Variants in UTP15 observed in about 807,000 individuals in gnomAD.
UTP15 encodes UTP15 small subunit processome component, also known as U3 small nucleolar RNA-associated protein 15 homolog.
A neutral mutation model predicts 59.1 loss-of-function variants in UTP15; 5 were observed. That is an observed-to-expected ratio of 0.08 (90% CI 0.04 to 0.18). The LOEUF is 0.18. UTP15 is among the 10% of genes least tolerant of loss of function. UTP15 has a pLI of 1.00. For missense variants in UTP15, 494 were observed against 616.7 expected (o/e 0.80, Z 2.11); for synonymous variants, 211 against 212.2 (o/e 0.99, Z 0.05).
chr5:73,570,733 C>T, intron 6 of UTP15, 22 bp downstream of exon 6: 1 of 1,609,030 alleles, frequency 6.2e-7, no homozygotes, highest in Non-Finnish European at 8.5e-7. Context: ...AAATAGCTTT[C>T]ACCAATATTG....
rs1747875767 is a variant in UTP15, at chr5:73,569,652, T to G, written c.524T>G (p.Leu175Arg). 6.2e-7 allele frequency: 1 copy of G among 1,610,846 alleles called. No homozygotes were observed. ...GTGAGGTGTGGATGTGCTAGCAAAC[T>G]TAATCCGGATCTCTTTATAACAGGT... is the stretch of plus-strand genomic sequence containing the variant. ...DYVRCGCASK[L>R]NPDLFITGSY... The change falls in exon 5 of 13, where the codon CTT becomes CGT. Residue 175 changes from leucine (L) to arginine (R), a missense_variant. Coordinates refer to ENST00000296792, the MANE Select transcript of UTP15 (RefSeq NM_032175.4).
In UTP15 at chr5:73,576,361, C is replaced by T. The variant is rs191959588; in HGVS notation, c.810-591C>T. Among the ~76,000 whole-genome samples, 450 of 152,204 alleles carry T rather than the reference C, an allele frequency of 3.0e-3. 1 individual carries two copies. Among genetic ancestry groups the T allele is most frequent in the Non-Finnish European group, 5.3e-3 (361 of 67,990 alleles). On this transcript the variant is annotated intron_variant, in intron 7 of 12. Coordinates refer to ENST00000296792, the MANE Select transcript of UTP15 (RefSeq NM_032175.4). ...CCTCAAGTGATCTGCCCACCTTGGC[C>T]TCCCGAAGTGCTGGGATTACAGACC...
chr5:73,568,717 T>C (rs1027608466), intron 4 of UTP15, 113 bp downstream of exon 4: 4 of 1,003,652 alleles, frequency 4.0e-6, no homozygotes, highest in Non-Finnish European at 5.7e-6. Context: ...TATTTGCCTA[T>C]AGGTACTATA....
intron 8 of UTP15, 110 bp downstream of exon 8, chr5:73,577,146 T>TCAGA (rs1297258479): frequency 6.2e-6 from 5 of 811,190 alleles, no homozygotes; most frequent in African/African-American, 3.4e-5. Flanking sequence ...TCTTGCCACA[T>TCAGA]CAGATATTTG....
rs2112055401 is a variant in UTP15 at position 73,576,980 on chromosome 5, T to A, written c.838T>A (p.Tyr280Asn). 6.2e-7 allele frequency: 1 copy of A among 1,610,264 alleles called. No individual in the cohort carries two copies. Among genetic ancestry groups the A allele is most frequent in the East Asian group, 2.2e-5 (1 of 44,804 alleles). The part of the protein sequence containing the change: ...RKVKVYSTTS[Y>N]KVVHSFDYAA... ...GGTGAAAGTATACAGCACAACTTCCTACAAAGTAGTCCACAGTTTTGATTA... is the reference window on the plus strand; with the variant it reads ...GGTGAAAGTATACAGCACAACTTCCAACAAAGTAGTCCACAGTTTTGATTA... Residue 280 changes from tyrosine (Y) to asparagine (N), a missense_variant, in exon 8 of 13, where the codon TAC becomes AAC. Transcript: ENST00000296792.
chr5:73,573,410 G>T (rs1362048365), intron 7 of UTP15, among the ~76,000 whole-genome samples: 1 of 151,554 alleles, frequency 6.6e-6, no homozygotes, highest in Non-Finnish European at 1.5e-5. Context: ...ACCATGCCTG[G>T]CTAATTTTTG....
At position 73,568,474 on chromosome 5, in the gene UTP15, A is replaced by G. The variant is rs1275690325; in HGVS notation, c.238A>G (p.Lys80Glu). 6.2e-7 allele frequency: 1 copy of G among 1,613,842 alleles called. No homozygotes were observed. The highest frequency in any genetic ancestry group is 8.5e-7 in the Non-Finnish European group (1 of 1,179,880). ...ACCTATAAAAACCTTTTCTCGATTT[A>G]AAGACACAGCATACTGTGCTACTTT... ...QEPIKTFSRF[K>E]DTAYCATFRQ... The change falls in exon 4 of 13, where the codon AAA (lysine) becomes GAA (glutamate). Residue 80 changes from lysine (K) to glutamate (E), a missense_variant. Transcript: ENST00000296792.
At chr5:73,571,173 C>A (rs1232712388) in intron 6 of UTP15, among the ~76,000 whole-genome samples, 1 of 151,510 alleles carries the variant, frequency 6.6e-6, no homozygotes, top group Non-Finnish European at 1.5e-5. Flanking sequence ...AGCCCTGTGC[C>A]ATCTTATTTA....
At chr5:73,575,000 T>G (rs780631624) in intron 7 of UTP15, among the ~76,000 whole-genome samples, 2 of 152,242 alleles carry the variant, frequency 1.3e-5, no homozygotes, top group Non-Finnish European at 2.9e-5. Flanking sequence ...ATGGCTTGCT[T>G]ATTTGTAATA....
intron 8 of UTP15, among the ~76,000 whole-genome samples, chr5:73,577,412 T>C (rs1748134576): frequency 6.6e-6 from 1 of 152,186 alleles, no homozygotes; most frequent in South Asian, 2.1e-4. Context: ...AAATGAAATA[T>C]CTCCTTTTCT....
intron 1 of UTP15, among the ~76,000 whole-genome samples, chr5:73,567,033 G>A (rs1159915917): frequency 1.3e-5 from 2 of 152,208 alleles, no homozygotes; most frequent in Non-Finnish European, 2.9e-5. Flanking sequence ...GTTGTAAAAT[G>A]GTTGGCTAGG....
chr5:73,570,138 A>G (rs1747890086), intron 5 of UTP15, among the ~76,000 whole-genome samples: 1 of 152,126 alleles, frequency 6.6e-6, no homozygotes, highest in Non-Finnish European at 1.5e-5. Context: ...CCTGGCTTCC[A>G]ATTGTTTTTT....
At chr5:73,571,560 C>CTT (rs1302989831) in intron 6 of UTP15, among the ~76,000 whole-genome samples, 1 of 142,756 alleles carries the variant, frequency 7.0e-6, no homozygotes. Context: ...TGTGTACCTC[C>CTT]TTTTTTTTTT....
chr5:73,566,383 C>T (rs1747765349), intron 1 of UTP15, among the ~76,000 whole-genome samples: 1 of 152,194 alleles, frequency 6.6e-6, no homozygotes, highest in African/African-American at 2.4e-5. Flanking sequence ...ATTTCATTCA[C>T]CATTATAGCC....
intron 8 of UTP15, 52 bp from the exon 9 acceptor site, chr5:73,577,804 C>G: frequency 1.4e-6 from 2 of 1,472,198 alleles, no homozygotes; most frequent in South Asian, 2.5e-5. Flanking sequence ...AGTAAAAGTA[C>G]TATAAATTAC....
In UTP15 at chr5:73,580,190, CTG is replaced by C; in HGVS notation, c.*98_*99del. On this transcript the variant is annotated 3_prime_UTR_variant, in exon 13 of 13. Transcript: ENST00000296792. Reference sequence around the variant, plus strand: ...GACTCTCTTTGATACATTAAAAAAACTGTTTGCAGAAGCAGTTCTGTGGAAGA... The same window carrying C: ...GACTCTCTTTGATACATTAAAAAAACTTTGCAGAAGCAGTTCTGTGGAAGA... 9.1e-7 allele frequency: 1 copy of C among 1,100,324 alleles called. No homozygotes were observed. The highest frequency in any genetic ancestry group is 1.3e-6 in the Non-Finnish European group (1 of 783,852). The allele number at this position is 1,100,324 out of a possible 1,614,324, so 68.2% of individuals were successfully genotyped here. A position where few individuals can be genotyped will look rare whatever the true frequency, so the allele number is the denominator to read the frequency against.
chr5:73,575,259 C>T (rs552378386), intron 7 of UTP15, among the ~76,000 whole-genome samples: 1 of 152,312 alleles, frequency 6.6e-6, no homozygotes, highest in East Asian at 1.9e-4. Flanking sequence ...CAATTTGGGA[C>T]TTGATTCTTA....
Position 73,577,142 on chromosome 5 carries a change from C to A in UTP15, c.894+106C>A, listed in dbSNP as rs1748127982. 4 of 820,800 alleles carry A rather than the reference C, an allele frequency of 4.9e-6. No homozygotes were observed. In the Admixed American group the frequency reaches 1.0e-4, roughly 21 times the overall value. The allele number at this position is 820,800 out of a possible 1,614,324, so 50.8% of individuals were successfully genotyped here. A position where few individuals can be genotyped will look rare whatever the true frequency, so the allele number is the denominator to read the frequency against. On this transcript the variant is annotated intron_variant, in intron 8 of 12. Coordinates refer to ENST00000296792, the MANE Select transcript of UTP15 (RefSeq NM_032175.4). ...TTTAGATTTGAGTAACTTTTCTTGC[C>A]ACATCAGATATTTGAGTTAAGACAA...
intron 1 of UTP15, 65 bp from the exon 2 acceptor site, chr5:73,567,197 A>G (rs1158407663): frequency 2.2e-6 from 1 of 447,904 alleles, no homozygotes; most frequent in Non-Finnish European, 3.9e-6. Flanking sequence ...TTTTAAAGAA[A>G]GCAGAGTGAA....
Sources: gnomAD v4.1 joint callset for allele counts (sites outside exome capture counted in the v4.1 genomes callset) on GRCh38, gnomAD v4.1.1 for gene constraint, MANE v1.5 for transcripts, NCBI Gene and HGNC (gene_info 2026-07-23, HGNC 2026-07-21) for gene names.